Variants in GALM observed in about 807,000 individuals in gnomAD.
GALM encodes aldose 1-epimerase.
Under a neutral mutation model 37.4 loss-of-function variants are expected in GALM, and 43 were observed. That is an observed-to-expected ratio of 1.15 (90% CI 0.90 to 1.48). GALM has a LOEUF of 1.48. Ranked by LOEUF, GALM falls within the 40% of genes most tolerant of loss-of-function variation. The pLI, the probability that GALM is intolerant of heterozygous loss-of-function variation, is 0.00. For synonymous variants in GALM, 199 were observed against 170.6 expected (o/e 1.17, Z -1.30); for missense variants, 456 against 419.1 (o/e 1.09, Z -0.77).
chr2:38,686,962 T>C (rs1665553394), intron 3 of GALM, among the ~76,000 whole-genome samples: 1 of 152,198 alleles, frequency 6.6e-6, no homozygotes, highest in South Asian at 2.1e-4. Flanking sequence ...CTGGGTTCTC[T>C]TTTTCTAACA....
intron 4 of GALM, among the ~76,000 whole-genome samples, chr2:38,710,225 C>T (rs1313412205): frequency 6.6e-6 from 1 of 152,116 alleles, no homozygotes; most frequent in Non-Finnish European, 1.5e-5. Flanking sequence ...TCTAACAAGC[C>T]CCTGGGTGAT....
Position 38,694,381 on chromosome 2 carries a change from A to G in GALM, c.634+4487A>G, listed in dbSNP as rs190404140. Among the ~76,000 whole-genome samples the G allele has an allele frequency of 4.5e-3, 686 of 152,264 alleles. 11 individuals are homozygous for G. The highest frequency in any genetic ancestry group is 0.016 in the African/African-American group (650 of 41,562). Reference sequence around the variant, plus strand: ...CTCTTTTGCCACCTTTTGTACAGGGAGCCTCCCCAGTCCTCTCACTGTCTC... The same window carrying G: ...CTCTTTTGCCACCTTTTGTACAGGGGGCCTCCCCAGTCCTCTCACTGTCTC... On this transcript the variant is annotated intron_variant, in intron 4 of 6. Coordinates refer to ENST00000272252, the MANE Select transcript of GALM (RefSeq NM_138801.3).
At chr2:38,720,902 T>C (rs946286412) in intron 4 of GALM, among the ~76,000 whole-genome samples, 4 of 152,224 alleles carry the variant, frequency 2.6e-5, no homozygotes, top group Admixed American at 6.5e-5. Context: ...TTACATAACC[T>C]GGCTGCAGAA....
intron 6 of GALM, among the ~76,000 whole-genome samples, chr2:38,732,944 G>A (rs1254368939): frequency 6.7e-6 from 1 of 148,946 alleles, no homozygotes; most frequent in Non-Finnish European, 1.5e-5. Flanking sequence ...AAAAGGGCCA[G>A]GTGCGGTGGC....
intron 4 of GALM, among the ~76,000 whole-genome samples, chr2:38,724,474 A>G (rs1666445251): frequency 1.3e-5 from 2 of 152,206 alleles, no homozygotes; most frequent in South Asian, 4.1e-4. Flanking sequence ...GGGGACCCAG[A>G]AGGAACATTC....
At chr2:38,694,651 C>T (rs1203590513) in intron 4 of GALM, among the ~76,000 whole-genome samples, 1 of 152,102 alleles carries the variant, frequency 6.6e-6, no homozygotes, top group Non-Finnish European at 1.5e-5. Flanking sequence ...AATCCCAGCA[C>T]TCTGGGAGGC....
intron 4 of GALM, among the ~76,000 whole-genome samples, chr2:38,690,437 AG>A (rs1054137759): frequency 6.6e-6 from 1 of 151,176 alleles, no homozygotes; most frequent in Non-Finnish European, 1.5e-5. Flanking sequence ...CTTTTTTGGG[AG>A]GGGGGCGGTG....
chr2:38,672,489 G>A (rs760319326), intron 1 of GALM, among the ~76,000 whole-genome samples: 14 of 151,996 alleles, frequency 9.2e-5, no homozygotes, highest in Middle Eastern at 3.4e-3. Context: ...AGCCTGGCCT[G>A]TGCCTAGGGA....
chr2:38,679,492 T>C (rs1465654), intron 2 of GALM, among the ~76,000 whole-genome samples: 6,010 of 152,320 alleles, frequency 0.039, 395 homozygotes, highest in African/African-American at 0.14. Flanking sequence ...GTTCAACTGT[T>C]TTGACCTACA....
intron 4 of GALM, among the ~76,000 whole-genome samples, chr2:38,691,214 A>G (rs1665664814): frequency 6.6e-6 from 1 of 152,256 alleles, no homozygotes; most frequent in African/African-American, 2.4e-5. Context: ...TTATTTGTGT[A>G]TATTTATAAA....
chr2:38,698,507 G>A, intron 4 of GALM: 1 of 728,152 alleles, frequency 1.4e-6, no homozygotes, highest in Non-Finnish European at 1.9e-6. Context: ...ATTATTCTTA[G>A]CTACTTAAAA....
In GALM at chr2:38,721,644, G is replaced by C. The variant is rs566623667; in HGVS notation, c.635-7912G>C. ...TCTTCCCACCTCAGCCTCCCTAGTA[G>C]CTGGGATCACAGGTGTGCACCATAC... On this transcript the variant is annotated intron_variant, in intron 4 of 6. Transcript: ENST00000272252. Among the ~76,000 whole-genome samples the C allele has an allele frequency of 9.5e-4, 145 of 152,196 alleles. 1 individual carries two copies. Among genetic ancestry groups the C allele is most frequent in the African/African-American group, 3.4e-3 (140 of 41,544 alleles).
chr2:38,706,481 C>A lies in GALM; in HGVS notation c.634+16587C>A, dbSNP rs547852359. ...CTTGAGCCCAGGAGTTCGAGACCAGCCTGGGCAACATATCGAGACCCCATC... is the reference window on the plus strand; with the variant it reads ...CTTGAGCCCAGGAGTTCGAGACCAGACTGGGCAACATATCGAGACCCCATC... On this transcript the variant is annotated intron_variant, in intron 4 of 6. Transcript: ENST00000272252. Among the ~76,000 whole-genome samples, 26 of 145,990 alleles carry A rather than the reference C, an allele frequency of 1.8e-4. No homozygotes were observed. The South Asian group carries it at 4.3e-3, about 24-fold the overall frequency.
chr2:38,681,129 C>T (rs1224551504), intron 2 of GALM, 151 bp from the exon 3 acceptor site: 4 of 604,532 alleles, frequency 6.6e-6, no homozygotes, highest in Non-Finnish European at 8.7e-6. Flanking sequence ...GACCCTGTCT[C>T]AAAAAAAAAA....
chr2:38,680,712 TA>T (rs528798132), intron 2 of GALM, among the ~76,000 whole-genome samples: 10,651 of 146,438 alleles, frequency 0.073, 1,228 homozygotes, highest in African/African-American at 0.25. Flanking sequence ...GCTACAAGAT[TA>T]AAAAAAAAAA....
intron 4 of GALM, among the ~76,000 whole-genome samples, chr2:38,727,769 C>T (rs960017291): frequency 2.7e-4 from 41 of 151,564 alleles, no homozygotes; most frequent in African/African-American, 9.7e-4. Context: ...GAAATGTCCT[C>T]TTTTACTCAG....
intron 4 of GALM, among the ~76,000 whole-genome samples, chr2:38,718,494 C>T (rs1049094864): frequency 3.3e-5 from 5 of 151,870 alleles, no homozygotes; most frequent in Non-Finnish European, 2.9e-5. Flanking sequence ...CCACTGCTCC[C>T]GGCCCAAGTA....
chr2:38,691,843 T>C (rs952073176), intron 4 of GALM, among the ~76,000 whole-genome samples: 1 of 152,036 alleles, frequency 6.6e-6, no homozygotes, highest in African/African-American at 2.4e-5. Context: ...GGAACAACTC[T>C]TTATGTTGAA....
At chr2:38,685,167 G>A (rs1015183447) in intron 3 of GALM, among the ~76,000 whole-genome samples, 1 of 152,206 alleles carries the variant, frequency 6.6e-6, no homozygotes, top group Non-Finnish European at 1.5e-5. Context: ...TTGGCCAGAA[G>A]TGTGGCCTAT....
Sources: allele counts gnomAD v4.1 joint callset (sites outside exome capture counted in the v4.1 genomes callset), GRCh38; gene constraint gnomAD v4.1.1; transcripts MANE v1.5; gene names NCBI Gene and HGNC (gene_info 2026-07-23, HGNC 2026-07-21).